FRYL: variants seen among roughly 807,000 people sequenced by gnomAD.
The protein encoded by FRYL is FRY like transcription coactivator.
Under a neutral mutation model 351.2 loss-of-function variants are expected in FRYL, and 150 were observed. That is an observed-to-expected ratio of 0.43 (90% CI 0.37 to 0.49). The LOEUF is 0.49. Among genes scored for constraint, FRYL ranks in the 20% least tolerant of loss-of-function variants. FRYL has a pLI of 0.00. For missense variants in FRYL, 3,036 were observed against 3,619.3 expected (o/e 0.84, Z 4.13); for synonymous variants, 1,153 against 1,257.1 (o/e 0.92, Z 1.75).
At chr4:48,773,623 T>C (rs16861510) in intron 1 of FRYL, among the ~76,000 whole-genome samples, 31,049 of 152,154 alleles carry the variant, frequency 0.2, 3,513 homozygotes, top group Admixed American at 0.34. Flanking sequence ...AGAATAATGA[T>C]GGGTTAAATT....
intron 1 of FRYL, among the ~76,000 whole-genome samples, chr4:48,711,839 T>A (rs1479230551): frequency 6.6e-6 from 1 of 152,074 alleles, no homozygotes; most frequent in Non-Finnish European, 1.5e-5. Flanking sequence ...GACTGACACC[T>A]CACACGGCCG....
At chr4:48,500,411 T>C (rs1365906563) in intron 62 of FRYL, among the ~76,000 whole-genome samples, 191 bp from the exon 63 acceptor site, 1 of 152,184 alleles carries the variant, frequency 6.6e-6, no homozygotes, top group African/African-American at 2.4e-5. Context: ...TTCCACCAAA[T>C]AGTAGTCTTG....
At chr4:48,525,994 T>C (rs897275166) in intron 53 of FRYL, among the ~76,000 whole-genome samples, 1 of 152,132 alleles carries the variant, frequency 6.6e-6, no homozygotes, top group African/African-American at 2.4e-5. Context: ...TATATGTGTA[T>C]GTATATGAGA....
chr4:48,504,979 CTG>C (rs1720588332), intron 60 of FRYL, among the ~76,000 whole-genome samples: 1 of 152,102 alleles, frequency 6.6e-6, no homozygotes, highest in Non-Finnish European at 1.5e-5. Flanking sequence ...GTATTTTCCC[CTG>C]TGAAGCTACA....
chr4:48,639,100 T>G (rs1754835076), intron 3 of FRYL, among the ~76,000 whole-genome samples: 1 of 151,694 alleles, frequency 6.6e-6, no homozygotes, highest in Non-Finnish European at 1.5e-5. Context: ...GAACTTAAAG[T>G]ATAATAAAAA....
intron 5 of FRYL, 147 bp downstream of exon 5, chr4:48,622,979 T>TA (rs1202181075): frequency 6.7e-6 from 4 of 596,078 alleles, no homozygotes; most frequent in Non-Finnish European, 1.2e-5. Flanking sequence ...ACTACTTATT[T>TA]AAAAAAACTA....
At chr4:48,578,785 T>C (rs185719492) in intron 23 of FRYL, among the ~76,000 whole-genome samples, 188 bp downstream of exon 23, 32 of 152,340 alleles carry the variant, frequency 2.1e-4, no homozygotes, top group African/African-American at 7.0e-4. Flanking sequence ...CTGTATTACA[T>C]GAAAAGGATG....
chr4:48,755,031 GT>G (rs947057367), intron 1 of FRYL, among the ~76,000 whole-genome samples: 9 of 152,150 alleles, frequency 5.9e-5, no homozygotes, highest in Non-Finnish European at 2.9e-5. Flanking sequence ...GCAGAATAAT[GT>G]AAGACTAGCA....
intron 7 of FRYL, among the ~76,000 whole-genome samples, chr4:48,611,627 T>C (rs1482886133): frequency 6.6e-6 from 1 of 152,144 alleles, no homozygotes; most frequent in Non-Finnish European, 1.5e-5. Context: ...CTTGGCCCAT[T>C]GTTCTTCCAT....
chr4:48,544,838 TTC>T lies in FRYL; in HGVS notation c.5344_5345del (p.Glu1782ThrfsTer14). 6.2e-7 allele frequency: 1 copy of T among 1,610,888 alleles called. No individual in the cohort carries two copies. Among genetic ancestry groups the T allele is most frequent in the Non-Finnish European group, 8.5e-7 (1 of 1,178,720 alleles). Reference sequence around the variant, plus strand: ...CATGTTTCAAAAATGTAGTTAACTGTTCAGCACTCTTTATGCTAGGATTCTTG... The same window carrying T: ...CATGTTTCAAAAATGTAGTTAACTGTAGCACTCTTTATGCTAGGATTCTTG... ...SAKNPSIKSA[E>X]QLTTFLKHVV... On this transcript the variant is annotated frameshift_variant, in exon 43 of 64. Coordinates refer to ENST00000358350, the MANE Select transcript of FRYL (RefSeq NM_015030.2). LOFTEE classifies it high-confidence loss of function.
intron 1 of FRYL, among the ~76,000 whole-genome samples, chr4:48,722,626 CG>C (rs1345693339): frequency 1.3e-5 from 2 of 152,164 alleles, no homozygotes; most frequent in African/African-American, 4.8e-5. Context: ...GTACAAAAAA[CG>C]TTAGTAATAA....
intron 4 of FRYL, among the ~76,000 whole-genome samples, chr4:48,629,267 G>A (rs1752501297): frequency 6.6e-6 from 1 of 152,086 alleles, no homozygotes; most frequent in African/African-American, 2.4e-5. Context: ...AATTGGAGAT[G>A]GCAGGTTGAA....
intron 45 of FRYL, 49 bp from the exon 46 acceptor site, chr4:48,541,009 G>A: frequency 7.0e-7 from 1 of 1,431,580 alleles, no homozygotes; most frequent in Admixed American, 2.5e-5. Flanking sequence ...CACTTCTTTT[G>A]CTAAATTAAT....
chr4:48,747,169 C>CCT (rs72599347), intron 1 of FRYL, among the ~76,000 whole-genome samples: 17 of 150,928 alleles, frequency 1.1e-4, no homozygotes, highest in Admixed American at 7.3e-4. Flanking sequence ...CTATCCCCCC[C>CCT]CAAAAAAAGA....
chr4:48,589,948 A>T, intron 17 of FRYL, 71 bp from the exon 18 acceptor site: 1 of 1,330,944 alleles, frequency 7.5e-7, no homozygotes, highest in Non-Finnish European at 1.1e-6. Context: ...CTGTAATAAA[A>T]GCCTATTAAT....
At chr4:48,745,773 T>G (rs1385301159) in intron 1 of FRYL, among the ~76,000 whole-genome samples, 1 of 151,932 alleles carries the variant, frequency 6.6e-6, no homozygotes, top group Non-Finnish European at 1.5e-5. Context: ...GAAAGATATA[T>G]ACAGTGGCAG....
At chr4:48,640,917 A>G (rs1315720963) in intron 3 of FRYL, among the ~76,000 whole-genome samples, 1 of 152,212 alleles carries the variant, frequency 6.6e-6, no homozygotes, top group Non-Finnish European at 1.5e-5. Context: ...GGAGCTTAAA[A>G]CAATAACATA....
At chr4:48,663,774 CAAAAAAAA>C (rs71191251) in intron 3 of FRYL, among the ~76,000 whole-genome samples, 1 of 70,102 alleles carries the variant, frequency 1.4e-5, no homozygotes, top group Non-Finnish European at 2.7e-5. Context: ...GACTCCGTCT[CAAAAAAAA>C]AAAAAAAAAA....
intron 3 of FRYL, among the ~76,000 whole-genome samples, chr4:48,643,123 A>G (rs898689318): frequency 6.6e-6 from 1 of 152,228 alleles, no homozygotes; most frequent in African/African-American, 2.4e-5. Context: ...TCAACACAAA[A>G]TAGTCCTGTA....
Sources: gnomAD v4.1 joint callset for allele counts (sites outside exome capture counted in the v4.1 genomes callset) on GRCh38, gnomAD v4.1.1 for gene constraint, MANE v1.5 for transcripts, NCBI Gene and HGNC (gene_info 2026-07-23, HGNC 2026-07-21) for gene names.